TRMT11: variants seen among roughly 807,000 people sequenced by gnomAD.
TRMT11 encodes tRNA (guanine(10)-N(2))-methyltransferase TRMT11.
Under a neutral mutation model 62.8 loss-of-function variants are expected in TRMT11, and 53 were observed. The ratio of observed to expected loss-of-function variants is 0.84; its 90% CI spans 0.68 to 1.06. The LOEUF is 1.06. Among genes scored for constraint, TRMT11 ranks in the 50% least tolerant of loss-of-function variants. The probability of loss-of-function intolerance (pLI) is 0.00; values close to 1 mark genes in which losing one functional copy is unlikely to be tolerated. For synonymous variants in TRMT11, 188 were observed against 190.3 expected (o/e 0.99, Z 0.10); for missense variants, 556 against 553.4 (o/e 1.00, Z -0.05).
chr6:125,999,835 C>A (rs1792181667), intron 7 of TRMT11, among the ~76,000 whole-genome samples: 1 of 152,048 alleles, frequency 6.6e-6, no homozygotes, highest in African/African-American at 2.4e-5. Context: ...TCCAGATAAA[C>A]CACTAGGAGG....
chr6:126,054,558 T>G (rs2128115041), intron 17 of TRMT11, among the ~76,000 whole-genome samples: 1 of 152,256 alleles, frequency 6.6e-6, no homozygotes, highest in South Asian at 2.1e-4. Context: ...GTGCTGACGG[T>G]GTAGGCCTGC....
the TRMT11 span, among the ~76,000 whole-genome samples, chr6:126,258,740 T>C: frequency 6.6e-6 from 1 of 152,192 alleles, no homozygotes; most frequent in South Asian, 2.1e-4. Context: ...TTTAATCTTT[T>C]ATTTTTTTGG....
chr6:126,091,421 T>C (rs1267873136), intron 17 of TRMT11, among the ~76,000 whole-genome samples: 1 of 152,148 alleles, frequency 6.6e-6, no homozygotes, highest in Non-Finnish European at 1.5e-5. Context: ...AATCCAGCTG[T>C]TTCTGTACTT....
intron 7 of TRMT11, among the ~76,000 whole-genome samples, chr6:126,006,596 TCC>T (rs1436252464): frequency 8.5e-6 from 1 of 118,112 alleles, no homozygotes. Context: ...CACTTCACTC[TCC>T]TTTTTTTTTT....
rs550260927 is a variant in TRMT11, at chr6:126,069,676, G to T, written c.*1437+16486G>T. Among the ~76,000 whole-genome samples the T allele has an allele frequency of 5.6e-4, 86 of 152,284 alleles. 1 individual carries two copies. Among genetic ancestry groups the T allele is most frequent in the Admixed American group, 1.8e-3 (28 of 15,290 alleles). On this transcript the variant is annotated intron_variant and NMD_transcript_variant, in intron 17 of 22. Coordinates refer to the TRMT11 transcript ENST00000648977. Reference sequence around the variant, plus strand: ...GGCCCCTCTCCAGTTGCTGCCGCCAGCAGAGTGTCTCTGTTTTCAGACCAT... The same window carrying T: ...GGCCCCTCTCCAGTTGCTGCCGCCATCAGAGTGTCTCTGTTTTCAGACCAT...
rs765579314 is a variant in TRMT11, at chr6:125,998,538, TG to T, written c.388-11del. On this transcript the variant is annotated splice_polypyrimidine_tract_variant and intron_variant, in intron 5 of 12. Coordinates refer to ENST00000334379, the MANE Select transcript of TRMT11 (RefSeq NM_001031712.3). ...TATTATAAGACATCAGCATTTCTTT[TG>T]TTTCTTTTAGGCACTTGAATTTCTG... is the stretch of plus-strand genomic sequence containing the variant. The T allele has an allele frequency of 6.2e-6, 10 of 1,605,726 alleles. No homozygotes were observed. Among genetic ancestry groups the T allele is most frequent in the Non-Finnish European group, 8.5e-6 (10 of 1,177,602 alleles).
At chr6:126,128,506 T>G (rs9321060) in intron 21 of TRMT11, among the ~76,000 whole-genome samples, 38,413 of 152,062 alleles carry the variant, frequency 0.25, 5,335 homozygotes, top group Middle Eastern at 0.37. Context: ...ATTTGGGTTC[T>G]TCCCATTTTC....
intron 1 of TRMT11, among the ~76,000 whole-genome samples, chr6:126,181,208 A>G (rs919976203): frequency 2.6e-5 from 4 of 152,168 alleles, no homozygotes; most frequent in African/African-American, 9.6e-5. Context: ...TTCACTCCCA[A>G]TTATTGCTTT....
intron 17 of TRMT11, among the ~76,000 whole-genome samples, chr6:126,093,585 G>GTGTATATATA (rs1313520779): frequency 4.1e-4 from 19 of 46,666 alleles, no homozygotes; most frequent in East Asian, 7.2e-4. Flanking sequence ...GGATATGTAT[G>GTGTATATATA]TATATATATA....
downstream of TRMT11, among the ~76,000 whole-genome samples, chr6:126,208,037 A>G (rs1255676015): frequency 3.9e-5 from 6 of 152,250 alleles, no homozygotes; most frequent in Non-Finnish European, 8.8e-5. Flanking sequence ...ATTTACCCGC[A>G]AAGAAGAAAA....
intron 16 of TRMT11, among the ~76,000 whole-genome samples, chr6:126,050,751 G>C (rs1776192892): frequency 6.6e-6 from 1 of 152,118 alleles, no homozygotes; most frequent in Non-Finnish European, 1.5e-5. Flanking sequence ...TTTGAGACAG[G>C]CCAGGAGGTA....
chr6:126,248,737 A>T, the TRMT11 span, among the ~76,000 whole-genome samples: 1 of 152,192 alleles, frequency 6.6e-6, no homozygotes, highest in African/African-American at 2.4e-5. Context: ...CTGCCAACAC[A>T]TACTGACTTC....
At chr6:126,194,783 C>G (rs1407825137) in intron 1 of TRMT11, among the ~76,000 whole-genome samples, 2 of 152,082 alleles carry the variant, frequency 1.3e-5, no homozygotes, top group East Asian at 3.9e-4. Flanking sequence ...TAAGCATAGT[C>G]ATAGAGCATT....
intron 3 of TRMT11, among the ~76,000 whole-genome samples, chr6:125,996,584 T>TC (rs1317323834): frequency 6.6e-6 from 1 of 152,222 alleles, no homozygotes; most frequent in Non-Finnish European, 1.5e-5. Flanking sequence ...ACTTTTTTTT[T>TC]CTTTTCTTTC....
In TRMT11 at chr6:125,993,839, T is replaced by C; in HGVS notation, c.138+17T>C. 6.5e-7 allele frequency: 1 copy of C among 1,533,772 alleles called. No homozygotes were observed. The highest frequency in any genetic ancestry group is 1.4e-5 in the African/African-American group (1 of 73,254). The stretch of plus-strand genomic sequence containing the variant: ...TATGGAAAGGTAAGTTAAATTTTCA[T>C]TAGACCATATGGAGTATACTTAGAA... On this transcript the variant is annotated intron_variant, in intron 2 of 12. Coordinates refer to ENST00000334379, the MANE Select transcript of TRMT11 (RefSeq NM_001031712.3).
downstream of TRMT11, among the ~76,000 whole-genome samples, chr6:126,042,759 T>C (rs113151767): frequency 1.6e-3 from 248 of 152,280 alleles, 2 homozygotes; most frequent in African/African-American, 5.7e-3. Context: ...ATGTGTGAAG[T>C]TAGTCAAATT....
intron 21 of TRMT11, among the ~76,000 whole-genome samples, chr6:126,144,162 T>C (rs1313448809): frequency 1.3e-5 from 2 of 152,188 alleles, no homozygotes; most frequent in African/African-American, 4.8e-5. Context: ...GCTTGGCCAA[T>C]TGTTCCGTTT....
At chr6:126,022,636 C>A (rs577142898) in intron 12 of TRMT11, among the ~76,000 whole-genome samples, 1 of 152,252 alleles carries the variant, frequency 6.6e-6, no homozygotes, top group East Asian at 1.9e-4. Context: ...TATGTCACTA[C>A]CTTATGCAAA....
At chr6:126,226,237 T>C in the TRMT11 span, among the ~76,000 whole-genome samples, 1 of 152,230 alleles carries the variant, frequency 6.6e-6, no homozygotes, top group African/African-American at 2.4e-5. Context: ...TTATTAATCA[T>C]GTACTGGCTA....
Sources: allele counts gnomAD v4.1 joint callset (sites outside exome capture counted in the v4.1 genomes callset), GRCh38; gene constraint gnomAD v4.1.1; transcripts MANE v1.5; gene names NCBI Gene and HGNC (gene_info 2026-07-23, HGNC 2026-07-21).